OSBPL8: variants seen among roughly 807,000 people sequenced by gnomAD.
OSBPL8 encodes the protein oxysterol-binding protein-related protein 8.
A neutral mutation model predicts 125.5 loss-of-function variants in OSBPL8; 59 were observed. That is an observed-to-expected ratio of 0.47 (90% CI 0.38 to 0.58). The LOEUF (loss-of-function observed/expected upper bound fraction) is 0.58, where lower values mean the gene tolerates loss of function less well. Among genes scored for constraint, OSBPL8 ranks in the 20% least tolerant of loss-of-function variants. The probability of loss-of-function intolerance (pLI) is 0.00; values close to 1 mark genes in which losing one functional copy is unlikely to be tolerated. For missense variants in OSBPL8, 758 were observed against 1,047.8 expected (o/e 0.72, Z 3.82); for synonymous variants, 330 against 338.9 (o/e 0.97, Z 0.29).
intron 8 of OSBPL8, among the ~76,000 whole-genome samples, chr12:76,395,901 A>G (rs1018356974): frequency 6.6e-6 from 1 of 151,890 alleles, no homozygotes; most frequent in African/African-American, 2.4e-5. Context: ...TCTTCTTCCA[A>G]TATTAAGAAT....
intron 8 of OSBPL8, among the ~76,000 whole-genome samples, 180 bp from the exon 9 acceptor site, chr12:76,394,909 TAACA>T (rs929744163): frequency 6.6e-6 from 1 of 152,136 alleles, no homozygotes; most frequent in African/African-American, 2.4e-5. Context: ...AAAAATTTTC[TAACA>T]AATATATCTC....
At chr12:76,404,457 G>A (rs951434634) in intron 5 of OSBPL8, among the ~76,000 whole-genome samples, 2 of 152,078 alleles carry the variant, frequency 1.3e-5, no homozygotes, top group African/African-American at 4.8e-5. Context: ...TTTGAACTGC[G>A]TGGGTCCACT....
chr12:76,373,972 T>A (rs1952717676), intron 17 of OSBPL8, among the ~76,000 whole-genome samples: 1 of 152,148 alleles, frequency 6.6e-6, no homozygotes, highest in Non-Finnish European at 1.5e-5. Flanking sequence ...GATGCTCCAA[T>A]GTCATACTTA....
At chr12:76,479,044 G>C (rs912190116) in intron 2 of OSBPL8, among the ~76,000 whole-genome samples, 1 of 152,226 alleles carries the variant, frequency 6.6e-6, no homozygotes, top group African/African-American at 2.4e-5. Flanking sequence ...CTGGGCGACA[G>C]AGCGAGACTC....
rs116684826 is a variant in OSBPL8 at position 76,381,613 on chromosome 12, T to C, written c.1630+2641A>G. Among the ~76,000 whole-genome samples the C allele has an allele frequency of 3.8e-3, 573 of 152,318 alleles. 4 individuals carry two copies. The highest frequency in any genetic ancestry group is 0.013 in the African/African-American group (556 of 41,588). On this transcript the variant is annotated intron_variant, in intron 15 of 23. Coordinates refer to ENST00000261183, the MANE Select transcript of OSBPL8 (RefSeq NM_020841.5). ...CTTTTTATTTCATTATGAAATGTTC[T>C]TTATCTCTATTAACACTTTTTGTTT...
intron 21 of OSBPL8, among the ~76,000 whole-genome samples, chr12:76,359,058 T>C: frequency 6.6e-6 from 1 of 152,194 alleles, no homozygotes; most frequent in East Asian, 1.9e-4. Context: ...ACCCAGTCTC[T>C]CTCCCACTAA....
Position 76,384,270 on chromosome 12 carries a change from A to G in OSBPL8, c.1614T>C (p.Ala538=), listed in dbSNP as rs144219482. The G allele has an allele frequency of 6.5e-5, 100 of 1,542,334 alleles. No homozygotes were observed. Among genetic ancestry groups the G allele is most frequent in the Non-Finnish European group, 8.7e-5 (98 of 1,132,638 alleles). Residue 538 remains alanine, a synonymous_variant, in exon 15 of 24, where the codon GCT becomes GCC. Coordinates refer to ENST00000261183, the MANE Select transcript of OSBPL8 (RefSeq NM_020841.5). The part of the protein sequence containing the change: ...DGFCLSGSIL[A]KSKFYGNSLS... ...AAAACTCACCATAAAACTTAGACTTAGCCAGGATACTACCGCTAAGGCAAA... is the reference window on the plus strand; with the variant it reads ...AAAACTCACCATAAAACTTAGACTTGGCCAGGATACTACCGCTAAGGCAAA...
intron 2 of OSBPL8, among the ~76,000 whole-genome samples, chr12:76,472,490 T>TA (rs1285950741): frequency 1.3e-5 from 2 of 152,170 alleles, no homozygotes; most frequent in Non-Finnish European, 2.9e-5. Context: ...GGGGGACCAC[T>TA]ACCACCAAGA....
At chr12:76,479,992 C>T (rs542070935) in intron 2 of OSBPL8, among the ~76,000 whole-genome samples, 5 of 151,836 alleles carry the variant, frequency 3.3e-5, no homozygotes, top group African/African-American at 9.7e-5. Flanking sequence ...CACGGAGAAA[C>T]TCTGTCTCTA....
intron 1 of OSBPL8, among the ~76,000 whole-genome samples, chr12:76,491,608 T>A (rs1394877273): frequency 6.6e-6 from 1 of 152,200 alleles, no homozygotes; most frequent in Non-Finnish European, 1.5e-5. Flanking sequence ...TTATAATATA[T>A]GGTAATTATT....
chr12:76,505,238 G>A (rs545258428), intron 1 of OSBPL8, among the ~76,000 whole-genome samples: 10 of 152,260 alleles, frequency 6.6e-5, no homozygotes, highest in Admixed American at 4.6e-4. Flanking sequence ...AATAAGCTTT[G>A]ACAGACATGA....
intron 4 of OSBPL8, among the ~76,000 whole-genome samples, chr12:76,434,713 A>C (rs1365612024): frequency 2.0e-5 from 3 of 152,230 alleles, no homozygotes; most frequent in African/African-American, 7.2e-5. Flanking sequence ...AGACCTGAAC[A>C]GGCATTTCTC....
chr12:76,358,602 C>A, intron 22 of OSBPL8, 104 bp downstream of exon 22: 1 of 1,015,980 alleles, frequency 9.8e-7, no homozygotes, highest in Non-Finnish European at 1.5e-6. Context: ...CCTGCCCCGA[C>A]CAAAACTCAC....
At chr12:76,366,259 C>T (rs189462422) in intron 21 of OSBPL8, among the ~76,000 whole-genome samples, 1 of 152,138 alleles carries the variant, frequency 6.6e-6, no homozygotes, top group African/African-American at 2.4e-5. Context: ...TTTATTGTTA[C>T]AGCTCTATTG....
At chr12:76,438,639 T>C (rs571432649) in intron 4 of OSBPL8, among the ~76,000 whole-genome samples, 11 of 152,370 alleles carry the variant, frequency 7.2e-5, no homozygotes, top group Non-Finnish European at 1.2e-4. Context: ...TTCACATGGT[T>C]AGGAAAGATC....
Position 76,354,794 on chromosome 12 carries a change from A to T in OSBPL8, c.*1095T>A, listed in dbSNP as rs1025061434. The T allele has an allele frequency of 2.0e-5, 3 of 151,986 alleles. No individual in the cohort carries two copies. The highest frequency in any genetic ancestry group is 7.2e-5 in the African/African-American group (3 of 41,444). 9.4% of individuals were successfully genotyped at this position (151,986 alleles called of 1,614,324 possible). ...GAGAGGAGGATAATAAAAAAATTAAACTTCAGAACTTGATACTCTTCGTAG... is the reference window on the plus strand; with the variant it reads ...GAGAGGAGGATAATAAAAAAATTAATCTTCAGAACTTGATACTCTTCGTAG... On this transcript the variant is annotated 3_prime_UTR_variant, in exon 24 of 24. Coordinates refer to ENST00000261183, the MANE Select transcript of OSBPL8 (RefSeq NM_020841.5).
At chr12:76,534,907 A>G (rs1777158118) in intron 1 of OSBPL8, among the ~76,000 whole-genome samples, 1 of 152,206 alleles carries the variant, frequency 6.6e-6, no homozygotes, top group Non-Finnish European at 1.5e-5. Context: ...GGAAAAAGAA[A>G]ATACTTTCAG....
intron 1 of OSBPL8, among the ~76,000 whole-genome samples, chr12:76,529,403 T>G (rs905736513): frequency 1.3e-5 from 2 of 152,050 alleles, no homozygotes; most frequent in South Asian, 2.1e-4. Context: ...AGAAGGTATG[T>G]CAGATTACGA....
At chr12:76,412,481 G>A (rs554681339) in intron 4 of OSBPL8, among the ~76,000 whole-genome samples, 14 of 151,954 alleles carry the variant, frequency 9.2e-5, no homozygotes, top group Non-Finnish European at 1.6e-4. Flanking sequence ...ATTTTATTGC[G>A]TTTCTCTTGC....
Sources: allele counts gnomAD v4.1 joint callset (sites outside exome capture counted in the v4.1 genomes callset), GRCh38; gene constraint gnomAD v4.1.1; transcripts MANE v1.5; gene names NCBI Gene and HGNC (gene_info 2026-07-23, HGNC 2026-07-21).